Variants in NDRG2 observed in about 807,000 individuals in gnomAD.
NDRG2 encodes NDRG family member 2.
In NDRG2, 34 loss-of-function variants were observed where a neutral mutation model predicts 58.2. The observed-to-expected ratio is 0.58, with a 90% CI of 0.44 to 0.78. NDRG2 has a LOEUF of 0.78. Ranked by LOEUF, NDRG2 falls within the 30% of genes least tolerant of loss-of-function variation. NDRG2 has a pLI of 0.00. For missense variants in NDRG2, 434 were observed against 471.2 expected (o/e 0.92, Z 0.73); for synonymous variants, 187 against 175.9 (o/e 1.06, Z -0.50).
At chr14:21,047,070 T>C (rs1885208275) in intron 1 of NDRG2, 6 of 152,148 alleles carry the variant, frequency 3.9e-5, no homozygotes, top group Admixed American at 3.9e-4. Context: ...TAAAGTTATC[T>C]AGCTAACACA....
rs1485942825 is a variant in NDRG2, at chr14:21,068,111, T to C, written c.24+2717A>G. ...GCCTCCCGGGTTCACGCCATTCTCC[T>C]GCCTCAGCCTCCCGAGTAGCTGGGA... On this transcript the variant is annotated intron_variant, in intron 1 of 14. Coordinates refer to the NDRG2 transcript ENST00000403829. Among the ~76,000 whole-genome samples the C allele has an allele frequency of 1.1e-4, 5 of 44,490 alleles. 2 individuals carry two copies. Among genetic ancestry groups the C allele is most frequent in the Non-Finnish European group, 1.9e-4 (3 of 16,064 alleles). The allele number at this position is 44,490 out of a possible 152,430, so 29.2% of individuals were successfully genotyped here.
intron 1 of NDRG2, among the ~76,000 whole-genome samples, chr14:21,035,050 C>G (rs577583065): frequency 6.6e-6 from 1 of 152,280 alleles, no homozygotes; most frequent in South Asian, 2.1e-4. Flanking sequence ...TATTCCTGAC[C>G]CTCAGAGAAC....
At chr14:21,051,508 G>T (rs1176121375) in intron 1 of NDRG2, among the ~76,000 whole-genome samples, 2 of 152,158 alleles carry the variant, frequency 1.3e-5, no homozygotes, top group South Asian at 4.1e-4. Flanking sequence ...CTCTGGTTGG[G>T]TTGAAGACTA....
intron 8 of NDRG2, 77 bp downstream of exon 8, chr14:21,020,419 G>T: frequency 8.5e-7 from 1 of 1,182,246 alleles, no homozygotes; most frequent in Non-Finnish European, 1.2e-6. Flanking sequence ...ATCCAGTTAG[G>T]CTATCTACCA....
Position 21,070,711 on chromosome 14 carries a change from T to G in NDRG2, c.24+117A>C. 1 of 1,239,286 alleles carries G rather than the reference T, an allele frequency of 8.1e-7. No homozygotes were observed. The highest frequency in any genetic ancestry group is 1.1e-6 in the Non-Finnish European group (1 of 886,360). 76.8% of individuals were successfully genotyped at this position (1,239,286 alleles called of 1,614,324 possible). ...TCCTCTGTCCTGACCTGTGCCTTCCTTTCCTGGAGCTTCCCTCCCCCTCCT... is the reference window on the plus strand; with the variant it reads ...TCCTCTGTCCTGACCTGTGCCTTCCGTTCCTGGAGCTTCCCTCCCCCTCCT... On this transcript the variant is annotated intron_variant, in intron 1 of 14. Coordinates refer to the NDRG2 transcript ENST00000403829. This position sits in a 1 kb window ranked among gnomAD's most constrained non-coding sequence, Gnocchi z 4.7.
intron 2 of NDRG2, 127 bp downstream of exon 2, chr14:21,023,114 A>G: frequency 1.1e-6 from 1 of 919,288 alleles, no homozygotes; most frequent in Non-Finnish European, 1.7e-6. Context: ...ATGGGGAGAG[A>G]GACTAGGGTA....
At chr14:21,043,545 C>T in intron 1 of NDRG2, 1 of 942,452 alleles carries the variant, frequency 1.1e-6, no homozygotes, top group Admixed American at 2.5e-5. Flanking sequence ...CCAGAGCATT[C>T]TCTTCCCCTC....
intron 1 of NDRG2, among the ~76,000 whole-genome samples, chr14:21,062,903 C>T (rs1037464652): frequency 8.0e-5 from 12 of 149,544 alleles, no homozygotes; most frequent in African/African-American, 3.0e-4. Flanking sequence ...CAATAGAGCC[C>T]GGGTGTTCAA....
intron 1 of NDRG2, among the ~76,000 whole-genome samples, chr14:21,060,293 G>A (rs1253814521): frequency 6.6e-6 from 1 of 151,962 alleles, no homozygotes; most frequent in Admixed American, 6.6e-5. Context: ...CACCCCAAGC[G>A]TAGTTTCCCC....
intron 1 of NDRG2, chr14:21,043,284 C>T: frequency 6.2e-7 from 1 of 1,614,218 alleles, no homozygotes; most frequent in South Asian, 1.1e-5. Flanking sequence ...TAAAAACTGC[C>T]ACCAGAGCCA....
chr14:21,059,190 C>T (rs1346001421), intron 1 of NDRG2, among the ~76,000 whole-genome samples: 4 of 152,196 alleles, frequency 2.6e-5, no homozygotes, highest in African/African-American at 7.2e-5. Flanking sequence ...TGACCCAGAG[C>T]AGGACCCTCA....
chr14:21,044,946 T>G (rs922307602), intron 1 of NDRG2, among the ~76,000 whole-genome samples: 10 of 152,300 alleles, frequency 6.6e-5, no homozygotes, highest in Admixed American at 2.0e-4. Context: ...CTACATGACC[T>G]CGAACAATTG....
chr14:21,024,128 T>C lies in NDRG2; in HGVS notation c.-105A>G. On this transcript the variant is annotated 5_prime_UTR_variant, in exon 1 of 16. It removes an upstream start codon present in the reference 5' UTR. Transcript: ENST00000556147. Reference sequence around the variant, plus strand: ...AAACACAGCAACGAGGTGAATGACATGGGAGACAGACCTGGGGTCTTTCAG... The same window carrying C: ...AAACACAGCAACGAGGTGAATGACACGGGAGACAGACCTGGGGTCTTTCAG... The C allele has an allele frequency of 1.0e-6, 1 of 985,388 alleles. No homozygotes were observed. Among genetic ancestry groups the C allele is most frequent in the Non-Finnish European group, 1.2e-6 (1 of 829,948 alleles). 61.0% of individuals were successfully genotyped at this position (985,388 alleles called of 1,614,324 possible).
intron 1 of NDRG2, among the ~76,000 whole-genome samples, chr14:21,052,327 T>C (rs906955274): frequency 6.6e-6 from 1 of 152,152 alleles, no homozygotes; most frequent in Non-Finnish European, 1.5e-5. Context: ...AAGAGTTAAA[T>C]AGCAAAACAA....
Position 21,022,493 on chromosome 14 carries a change from T to C in NDRG2, c.122A>G (p.His41Arg), listed in dbSNP as rs1050300682. ...AGAGCCGTATGGTGTCTCCACAGAG[T>C]GAGTCTGCAGGAAAACAGGGCACCA... Reference protein sequence around the residue: ...ARILLDQGQTHSVETPYGSVT... With the variant: ...ARILLDQGQTRSVETPYGSVT... The change falls in exon 4 of 16, where the codon CAC becomes CGC. Residue 41 changes from histidine (H) to arginine (R), a missense_variant. His to Arg is a conservative substitution (Grantham distance 29, BLOSUM62 0). Transcript: ENST00000556147. The C allele has an allele frequency of 3.7e-6, 6 of 1,611,598 alleles. No individual in the cohort carries two copies. Among genetic ancestry groups the C allele is most frequent in the African/African-American group, 1.3e-5 (1 of 74,484 alleles).
intron 1 of NDRG2, chr14:21,043,071 A>G (rs1035365746): frequency 5.0e-6 from 8 of 1,614,090 alleles, no homozygotes; most frequent in Non-Finnish European, 6.8e-6. Flanking sequence ...GATCCCAGTC[A>G]GTGCCAAGCC....
chr14:21,057,203 G>GGT (rs775644147), intron 1 of NDRG2, among the ~76,000 whole-genome samples: 1 of 152,176 alleles, frequency 6.6e-6, no homozygotes, highest in East Asian at 1.9e-4. Flanking sequence ...GGGAGGCTGA[G>GGT]GTGGGTGGAT....
chr14:21,055,131 G>A (rs568967651), intron 1 of NDRG2, among the ~76,000 whole-genome samples: 3 of 152,164 alleles, frequency 2.0e-5, no homozygotes, highest in Non-Finnish European at 2.9e-5. Flanking sequence ...AAATGTATCT[G>A]AAAAGATTTT....
chr14:21,043,000 C>A, intron 1 of NDRG2: 10 of 1,612,344 alleles, frequency 6.2e-6, no homozygotes, highest in Non-Finnish European at 8.5e-6. Flanking sequence ...GAGATGGCAC[C>A]GGCCAGAGCA....
Sources: allele counts gnomAD v4.1 joint callset (sites outside exome capture counted in the v4.1 genomes callset), GRCh38; gene constraint gnomAD v4.1.1; non-coding constraint Gnocchi (gnomAD v3.1); transcripts MANE v1.5; gene names NCBI Gene and HGNC (gene_info 2026-07-23, HGNC 2026-07-21).